The following ZNF277 variants were observed in gnomAD, a reference collection of about 807,000 sequenced individuals.
The protein encoded by ZNF277 is nuclear receptor-interacting factor 4.
A neutral mutation model predicts 60.7 loss-of-function variants in ZNF277; 55 were observed. The observed-to-expected ratio is 0.91, with a 90% CI of 0.73 to 1.13. The LOEUF (loss-of-function observed/expected upper bound fraction) is 1.13, where lower values mean the gene tolerates loss of function less well. Among genes scored for constraint, ZNF277 ranks in the 50% most tolerant of loss-of-function variants. ZNF277 has a pLI of 0.00. For synonymous variants in ZNF277, 178 were observed against 179.3 expected (o/e 0.99, Z 0.06); for missense variants, 510 against 523.0 (o/e 0.98, Z 0.24).
intron 1 of ZNF277, among the ~76,000 whole-genome samples, chr7:112,219,373 T>G (rs1467337543): frequency 1.3e-5 from 2 of 152,232 alleles, no homozygotes; most frequent in Non-Finnish European, 2.9e-5. Context: ...AAGCCTTTAA[T>G]CTACTTTGAG....
chr7:112,276,512 A>C (rs1421808893), intron 1 of ZNF277, among the ~76,000 whole-genome samples: 6 of 152,166 alleles, frequency 3.9e-5, no homozygotes, highest in Non-Finnish European at 5.9e-5. Flanking sequence ...GTTTTCCCTG[A>C]GTCTATGTGG....
intron 1 of ZNF277, among the ~76,000 whole-genome samples, chr7:112,284,449 A>G (rs185847878): frequency 1.3e-3 from 201 of 152,302 alleles, no homozygotes; most frequent in African/African-American, 4.6e-3. Flanking sequence ...TCATAAGTAT[A>G]TTACTTATCT....
chr7:112,317,078 A>T (rs770917416), intron 4 of ZNF277, among the ~76,000 whole-genome samples: 2 of 152,030 alleles, frequency 1.3e-5, no homozygotes, highest in Non-Finnish European at 2.9e-5. Context: ...ACATGTTCTC[A>T]CTCATAAGTA....
intron 1 of ZNF277, among the ~76,000 whole-genome samples, chr7:112,248,212 G>C (rs1230715186): frequency 6.6e-6 from 1 of 151,850 alleles, no homozygotes; most frequent in Non-Finnish European, 1.5e-5. Flanking sequence ...GATGACTGCA[G>C]TACATGCAGG....
intron 1 of ZNF277, among the ~76,000 whole-genome samples, chr7:112,209,347 C>G (rs577458209): frequency 6.6e-6 from 1 of 152,230 alleles, no homozygotes; most frequent in African/African-American, 2.4e-5. Flanking sequence ...GCATACATTG[C>G]CACCTGTAGT....
chr7:112,340,795 C>A, intron 10 of ZNF277, 77 bp from the exon 11 acceptor site: 2 of 1,273,428 alleles, frequency 1.6e-6, no homozygotes, highest in Non-Finnish European at 2.2e-6. Context: ...AAATAAGTGG[C>A]TCCTTTAAGA....
chr7:112,210,565 G>A (rs1311624332), intron 1 of ZNF277, among the ~76,000 whole-genome samples: 2 of 149,332 alleles, frequency 1.3e-5, no homozygotes, highest in African/African-American at 2.5e-5. Flanking sequence ...TCCGCCTCCC[G>A]GGTTCAAGTG....
intron 7 of ZNF277, among the ~76,000 whole-genome samples, chr7:112,334,045 A>T (rs892507370): frequency 6.6e-6 from 1 of 152,214 alleles, no homozygotes; most frequent in Non-Finnish European, 1.5e-5. Flanking sequence ...TTCTTAAAGT[A>T]TACAAAGCCA....
intron 1 of ZNF277, among the ~76,000 whole-genome samples, chr7:112,218,116 A>C (rs1199790394): frequency 6.6e-6 from 1 of 152,154 alleles, no homozygotes; most frequent in African/African-American, 2.4e-5. Context: ...CATGAATTAA[A>C]CTCTTTCTCC....
intron 1 of ZNF277, among the ~76,000 whole-genome samples, chr7:112,265,063 TA>T (rs1791518033): frequency 1.3e-5 from 2 of 152,186 alleles, no homozygotes; most frequent in Non-Finnish European, 2.9e-5. Flanking sequence ...TTTCTCCATA[TA>T]AGTTGTTTTG....
At chr7:112,283,902 TA>T (rs1792004028) in intron 1 of ZNF277, among the ~76,000 whole-genome samples, 1 of 152,166 alleles carries the variant, frequency 6.6e-6, no homozygotes, top group Non-Finnish European at 1.5e-5. Flanking sequence ...AGAGTACATA[TA>T]AAGACAAAGT....
chr7:112,232,042 C>CATATATATACATATATAT (rs1554484776), intron 1 of ZNF277, among the ~76,000 whole-genome samples: 1 of 133,286 alleles, frequency 7.5e-6, no homozygotes, highest in African/African-American at 3.2e-5. Flanking sequence ...TAAATAAATA[C>CATATATATACATATATAT]ATATATATAT....
intron 1 of ZNF277, among the ~76,000 whole-genome samples, chr7:112,239,446 A>G (rs140981142): frequency 1.3e-3 from 199 of 152,328 alleles, no homozygotes; most frequent in African/African-American, 4.5e-3. Flanking sequence ...CTCCGGCTTC[A>G]GGTCTGACTC....
rs952777571 is a variant in ZNF277 at position 112,241,119 on chromosome 7, C to T, written c.91+34312C>T. Among the ~76,000 whole-genome samples the T allele has an allele frequency of 4.0e-5, 6 of 151,340 alleles. 1 individual carries two copies. Among genetic ancestry groups the T allele is most frequent in the Non-Finnish European group, 4.4e-5 (3 of 67,794 alleles). On this transcript the variant is annotated intron_variant, in intron 1 of 11. Coordinates refer to ENST00000361822, the MANE Select transcript of ZNF277 (RefSeq NM_021994.3). The stretch of plus-strand genomic sequence containing the variant: ...AAACTATCGTCTGAAAAGGGATTTA[C>T]GACCAGAATATACAAGGAGTTCAAA...
At chr7:112,253,654 C>A (rs1791244106) in intron 1 of ZNF277, among the ~76,000 whole-genome samples, 1 of 152,126 alleles carries the variant, frequency 6.6e-6, no homozygotes, top group Non-Finnish European at 1.5e-5. Context: ...GGCCATCATG[C>A]CTTATTGTAC....
At chr7:112,323,218 C>T (rs1020576635) in intron 5 of ZNF277, among the ~76,000 whole-genome samples, 1 of 152,186 alleles carries the variant, frequency 6.6e-6, no homozygotes, top group African/African-American at 2.4e-5. Flanking sequence ...TGTGTACTGC[C>T]TTCTAGATCC....
At chr7:112,273,211 G>C (rs1791717605) in intron 1 of ZNF277, among the ~76,000 whole-genome samples, 1 of 152,164 alleles carries the variant, frequency 6.6e-6, no homozygotes, top group South Asian at 2.1e-4. Flanking sequence ...CCCGTGGTTT[G>C]CTGGAACTCA....
At chr7:112,317,867 A>G (rs1792875370) in intron 4 of ZNF277, among the ~76,000 whole-genome samples, 1 of 152,128 alleles carries the variant, frequency 6.6e-6, no homozygotes, top group African/African-American at 2.4e-5. Context: ...GAGCAAGTCA[A>G]AGATCCCAGC....
chr7:112,254,521 GT>G (rs1340039589), intron 1 of ZNF277, among the ~76,000 whole-genome samples: 1 of 152,158 alleles, frequency 6.6e-6, no homozygotes, highest in Non-Finnish European at 1.5e-5. Flanking sequence ...TGTTCTGTTT[GT>G]TTTTTATGGC....
Sources: gnomAD v4.1 joint callset for allele counts (sites outside exome capture counted in the v4.1 genomes callset) on GRCh38, gnomAD v4.1.1 for gene constraint, MANE v1.5 for transcripts, NCBI Gene and HGNC (gene_info 2026-07-23, HGNC 2026-07-21) for gene names.